SYT14: variants seen among roughly 807,000 people sequenced by gnomAD.
SYT14 encodes synaptotagmin-14.
Under a neutral mutation model 74.2 loss-of-function variants are expected in SYT14, and 32 were observed. The ratio of observed to expected loss-of-function variants is 0.43; its 90% CI spans 0.33 to 0.58. The LOEUF (loss-of-function observed/expected upper bound fraction) is 0.58. Ranked by LOEUF, SYT14 falls within the 20% of genes least tolerant of loss-of-function variation. The probability of loss-of-function intolerance (pLI) is 0.05; values close to 1 mark genes in which losing one functional copy is unlikely to be tolerated. For missense variants in SYT14, 791 were observed against 981.8 expected, an observed-to-expected ratio of 0.81 and a Z score of 2.60; for synonymous variants, 298 against 337.7, an observed-to-expected ratio of 0.88 and a Z score of 1.29.
At chr1:210,096,843 C>T (rs906024137) in intron 6 of SYT14, among the ~76,000 whole-genome samples, 23 of 152,134 alleles carry the variant, frequency 1.5e-4, no homozygotes, top group Admixed American at 8.5e-4. Context: ...TCATTTGATC[C>T]GTCAGATTTT....
In SYT14 at chr1:210,059,451, T is replaced by TATATATATAGAG. The variant is rs377050610; in HGVS notation, c.1313-34870_1313-34869insTATATATAGAGA. On this transcript the variant is annotated intron_variant, in intron 5 of 9. Coordinates refer to ENST00000637265, the Ensembl canonical transcript of SYT14. ...GAATATATATATATATATATATATA[T>TATATATATAGAG]AGAGAGAGAGAGAGAGAGAGAGAGA... Among the ~76,000 whole-genome samples, 353 of 69,860 alleles carry TATATATATAGAG rather than the reference T, an allele frequency of 5.1e-3. 4 individuals are homozygous for TATATATATAGAG. The highest frequency in any genetic ancestry group is 7.7e-3 in the African/African-American group (98 of 12,732). The allele number at this position is 69,860 out of a possible 152,430, so 45.8% of individuals were successfully genotyped here.
At chr1:210,075,342 G>GTTTTT (rs33985042) in intron 5 of SYT14, among the ~76,000 whole-genome samples, 8 of 127,670 alleles carry the variant, frequency 6.3e-5, no homozygotes, top group African/African-American at 1.8e-4. Flanking sequence ...TCGAGGGTTT[G>GTTTTT]TTTTTTTTTT....
At position 210,068,463 on chromosome 1, in the gene SYT14, A is replaced by G. The variant is rs143412410; in HGVS notation, c.1313-25859A>G. Among the ~76,000 whole-genome samples, 8 of 151,848 alleles carry G rather than the reference A, an allele frequency of 5.3e-5. No individual in the cohort carries two copies. The East Asian group carries it at 1.5e-3, about 29-fold the overall frequency. ...TTGCTTTTTTTCATTTCTCTAGACC[A>G]TTATACGAGATTAAGAGTATCTGTT... On this transcript the variant is annotated intron_variant, in intron 5 of 9. Transcript: ENST00000637265.
chr1:210,092,055 A>G (rs926658910), intron 5 of SYT14, among the ~76,000 whole-genome samples: 1 of 152,234 alleles, frequency 6.6e-6, no homozygotes, highest in Non-Finnish European at 1.5e-5. Context: ...TTCAGTGGCT[A>G]ATTAAATATG....
chr1:210,003,085 A>G (rs1225788837), intron 2 of SYT14, among the ~76,000 whole-genome samples: 1 of 152,104 alleles, frequency 6.6e-6, no homozygotes, highest in East Asian at 1.9e-4. Flanking sequence ...TCACATTTAG[A>G]TCTATAGTCT....
At chr1:210,075,831 T>G (rs1452220773) in intron 5 of SYT14, among the ~76,000 whole-genome samples, 1 of 152,206 alleles carries the variant, frequency 6.6e-6, no homozygotes, top group Non-Finnish European at 1.5e-5. Flanking sequence ...GTATCAGTAG[T>G]TCCCTTGTAT....
intron 5 of SYT14, among the ~76,000 whole-genome samples, chr1:210,081,494 A>C (rs1456786858): frequency 6.6e-6 from 1 of 152,224 alleles, no homozygotes; most frequent in East Asian, 1.9e-4. Context: ...AGTGTGTACT[A>C]GTATTATGCC....
intron 5 of SYT14, among the ~76,000 whole-genome samples, chr1:210,027,235 C>T (rs1254544512): frequency 6.6e-6 from 1 of 151,818 alleles, no homozygotes; most frequent in Non-Finnish European, 1.5e-5. Flanking sequence ...TGGCTCATGC[C>T]TATAATGTCT....
rs185073510 is a variant in SYT14, at chr1:209,992,052, G to A, written c.-485-21581G>A. Reference sequence around the variant, plus strand: ...TTATATCAAAAAGATACCTGCACCTGTATGTTTATTGCAGCACTATTCACA... The same window carrying A: ...TTATATCAAAAAGATACCTGCACCTATATGTTTATTGCAGCACTATTCACA... On this transcript the variant is annotated intron_variant, in intron 2 of 9. Coordinates refer to ENST00000637265, the Ensembl canonical transcript of SYT14. Among the ~76,000 whole-genome samples the A allele has an allele frequency of 3.1e-3, 468 of 152,276 alleles. 4 individuals are homozygous for A. The highest frequency in any genetic ancestry group is 0.011 in the African/African-American group (442 of 41,560).
chr1:209,943,197 A>G (rs1397307095), intron 1 of SYT14, among the ~76,000 whole-genome samples: 1 of 152,206 alleles, frequency 6.6e-6, no homozygotes, highest in East Asian at 1.9e-4. Context: ...AGCGAACATT[A>G]GAGACACAGT....
intron 5 of SYT14, among the ~76,000 whole-genome samples, chr1:210,060,861 G>C (rs570167256): frequency 8.5e-5 from 13 of 152,088 alleles, no homozygotes; most frequent in African/African-American, 3.1e-4. Flanking sequence ...TTTTCTTACA[G>C]AATACTTGGT....
chr1:210,029,578 A>C (rs1174410872), intron 5 of SYT14, among the ~76,000 whole-genome samples: 1 of 152,136 alleles, frequency 6.6e-6, no homozygotes, highest in Non-Finnish European at 1.5e-5. Context: ...CATATATGCA[A>C]GGTTTTATTT....
intron 1 of SYT14, among the ~76,000 whole-genome samples, chr1:209,951,150 A>T (rs1052733399): frequency 2.0e-5 from 3 of 152,168 alleles, no homozygotes; most frequent in Non-Finnish European, 4.4e-5. Context: ...CTATTCTTGG[A>T]TTAGCAATTT....
At chr1:210,058,963 T>C (rs564415743) in intron 5 of SYT14, among the ~76,000 whole-genome samples, 4 of 152,270 alleles carry the variant, frequency 2.6e-5, no homozygotes, top group African/African-American at 9.6e-5. Context: ...AGCAAATACA[T>C]ATATAGTGCT....
chr1:210,018,763 A>G (rs2080239655), intron 4 of SYT14, among the ~76,000 whole-genome samples: 1 of 152,198 alleles, frequency 6.6e-6, no homozygotes, highest in Non-Finnish European at 1.5e-5. Flanking sequence ...TTTGACACAT[A>G]GATTAACCCT....
chr1:210,078,440 A>G (rs1425414712), intron 5 of SYT14, among the ~76,000 whole-genome samples: 1 of 152,136 alleles, frequency 6.6e-6, no homozygotes, highest in Non-Finnish European at 1.5e-5. Flanking sequence ...CTTGACAAAC[A>G]CTAAAAAAGT....
At chr1:209,980,391 T>C (rs890355388) in intron 2 of SYT14, among the ~76,000 whole-genome samples, 1 of 152,224 alleles carries the variant, frequency 6.6e-6, no homozygotes, top group Non-Finnish European at 1.5e-5. Context: ...TCCTGTTCTT[T>C]AGGTTGTTTG....
chr1:210,031,454 C>T (rs990839373), intron 5 of SYT14, among the ~76,000 whole-genome samples: 1 of 152,078 alleles, frequency 6.6e-6, no homozygotes, highest in Non-Finnish European at 1.5e-5. Context: ...AATATTCACT[C>T]TACTTCTCTC....
At chr1:209,962,152 T>A (rs1451324455) in intron 2 of SYT14, among the ~76,000 whole-genome samples, 1 of 152,082 alleles carries the variant, frequency 6.6e-6, no homozygotes, top group East Asian at 1.9e-4. Context: ...ATGAATAAAG[T>A]GCTCTTTTTC....
Sources: gnomAD v4.1 joint callset for allele counts (sites outside exome capture counted in the v4.1 genomes callset) on GRCh38, gnomAD v4.1.1 for gene constraint, MANE v1.5 for transcripts, NCBI Gene and HGNC (gene_info 2026-07-23, HGNC 2026-07-21) for gene names.